Variants in ST3GAL1 observed in about 807,000 individuals in gnomAD.
ST3GAL1 encodes ST3 beta-galactoside alpha-2,3-sialyltransferase 1.
ST3GAL1 carries 16 observed loss-of-function variants against 34.1 expected under a neutral mutation model. The observed-to-expected ratio is 0.47, with a 90% CI of 0.32 to 0.71. The LOEUF is 0.71. Ranked by LOEUF, ST3GAL1 falls within the 30% of genes least tolerant of loss-of-function variation. ST3GAL1 has a pLI of 0.04. For missense variants in ST3GAL1, 353 were observed against 447.4 expected, an observed-to-expected ratio of 0.79 and a Z score of 1.90; for synonymous variants, 191 against 184.7, an observed-to-expected ratio of 1.03 and a Z score of -0.28.
chr8:133,509,653 G>C (rs528598950), intron 2 of ST3GAL1, among the ~76,000 whole-genome samples: 1 of 152,346 alleles, frequency 6.6e-6, no homozygotes, highest in Admixed American at 6.5e-5. Context: ...TATTCAGCCG[G>C]TGTGGGACAG....
chr8:133,478,344 A>G (rs1026414912), intron 3 of ST3GAL1, among the ~76,000 whole-genome samples: 3 of 152,144 alleles, frequency 2.0e-5, no homozygotes, highest in African/African-American at 7.2e-5. Flanking sequence ...TAGGGAGGGA[A>G]GAAACTTTCT....
chr8:133,547,754 G>A (rs1818710741), intron 1 of ST3GAL1, among the ~76,000 whole-genome samples: 1 of 152,334 alleles, frequency 6.6e-6, no homozygotes, highest in African/African-American at 2.4e-5. Flanking sequence ...AGAGAAAGCT[G>A]ACTGATACAA....
At chr8:133,569,513 G>A (rs1819503554) in intron 1 of ST3GAL1, among the ~76,000 whole-genome samples, 1 of 152,196 alleles carries the variant, frequency 6.6e-6, no homozygotes, top group South Asian at 2.1e-4. Flanking sequence ...ACGCCGAGAG[G>A]TTAAGTCTGG....
At chr8:133,494,193 C>A (rs114608174) in intron 3 of ST3GAL1, among the ~76,000 whole-genome samples, 126 of 152,282 alleles carry the variant, frequency 8.3e-4, no homozygotes, top group Middle Eastern at 3.4e-3. Context: ...CCACAATATG[C>A]CTGGGAAGCA....
At chr8:133,473,907 C>T (rs548159220) in intron 5 of ST3GAL1, among the ~76,000 whole-genome samples, 9 of 152,324 alleles carry the variant, frequency 5.9e-5, no homozygotes, top group Non-Finnish European at 1.2e-4. Context: ...CTTACCATGC[C>T]TGGCTCGCCA....
chr8:133,501,997 T>C (rs1323033470), intron 2 of ST3GAL1, among the ~76,000 whole-genome samples: 1 of 152,166 alleles, frequency 6.6e-6, no homozygotes, highest in Non-Finnish European at 1.5e-5. Context: ...AAACCCTGCG[T>C]GCCTTCTGTC....
In ST3GAL1 at chr8:133,477,682, A is replaced by G. The variant is rs190565564; in HGVS notation, c.-373-1082T>C. 8.8e-4 allele frequency among the ~76,000 whole-genome samples: 134 copies of G among 152,192 alleles called. 1 individual carries two copies. The highest frequency in any genetic ancestry group is 3.1e-3 in the African/African-American group (127 of 41,524). ...GCAAACAGGTACCTCTCAAATGCCC[A>G]TCGGAGACCCCTCTGGCTCTCACCG... On this transcript the variant is annotated intron_variant, in intron 3 of 9. Transcript: ENST00000522652.
intron 3 of ST3GAL1, among the ~76,000 whole-genome samples, chr8:133,498,354 T>C (rs1817033748): frequency 6.6e-6 from 1 of 152,002 alleles, no homozygotes; most frequent in Non-Finnish European, 1.5e-5. Flanking sequence ...TCCCAAGAGG[T>C]GGGGGTGTGG....
intron 5 of ST3GAL1, among the ~76,000 whole-genome samples, chr8:133,471,139 C>G (rs1301073488): frequency 6.6e-6 from 1 of 152,184 alleles, no homozygotes; most frequent in Non-Finnish European, 1.5e-5. Context: ...CACCGCAGGC[C>G]TCATTCCAAT....
intron 3 of ST3GAL1, among the ~76,000 whole-genome samples, chr8:133,485,204 C>T (rs1468167292): frequency 6.6e-6 from 1 of 152,184 alleles, no homozygotes; most frequent in Non-Finnish European, 1.5e-5. Context: ...CTACATTTCC[C>T]AGCATCCCTG....
chr8:133,464,898 T>A lies in ST3GAL1; in HGVS notation c.563A>T (p.His188Leu). 1 of 1,614,052 alleles carries A rather than the reference T, an allele frequency of 6.2e-7. No individual in the cohort carries two copies. The highest frequency in any genetic ancestry group is 2.2e-5 in the East Asian group (1 of 44,860). ...CCGGAAGCTCTCAGGGTACACCAGA[T>A]GGTGGGTGGTCTTGGTCCCAACATC... ...EADVGTKTTH[H>L]LVYPESFREL... is the part of the protein sequence containing the mutation. The change falls in exon 7 of 10, where the codon CAT (histidine) becomes CTT (leucine). Residue 188 changes from histidine to leucine, a missense_variant. Transcript: ENST00000522652.
intron 5 of ST3GAL1, among the ~76,000 whole-genome samples, chr8:133,471,541 GT>G (rs1284013770): frequency 3.9e-5 from 6 of 152,210 alleles, no homozygotes; most frequent in Non-Finnish European, 8.8e-5. Context: ...TATTTTACAG[GT>G]GAGGAAACTG....
chr8:133,565,265 G>A (rs558032693), intron 1 of ST3GAL1, among the ~76,000 whole-genome samples: 22 of 151,376 alleles, frequency 1.5e-4, no homozygotes, highest in African/African-American at 2.2e-4. Flanking sequence ...GGAGCTCCCT[G>A]CCTTTGGCTG....
intron 5 of ST3GAL1, among the ~76,000 whole-genome samples, chr8:133,474,591 C>G (rs1380777401): frequency 6.6e-6 from 1 of 152,186 alleles, no homozygotes; most frequent in Non-Finnish European, 1.5e-5. Flanking sequence ...CAGGCCTCGT[C>G]TCACTGCACC....
intron 9 of ST3GAL1, 82 bp from the exon 10 acceptor site, chr8:133,460,019 T>G (rs1311482208): frequency 1.4e-6 from 2 of 1,457,022 alleles, no homozygotes; most frequent in Admixed American, 2.2e-5. Context: ...TAGGCGTTCC[T>G]GGAATCCCAC....
intron 3 of ST3GAL1, among the ~76,000 whole-genome samples, chr8:133,483,761 C>T (rs1365104984): frequency 6.6e-6 from 1 of 152,134 alleles, no homozygotes; most frequent in African/African-American, 2.4e-5. Context: ...CCCAGGGGCT[C>T]CCAGACCCAG....
At chr8:133,564,305 C>T (rs1414955976) in intron 1 of ST3GAL1, among the ~76,000 whole-genome samples, 1 of 152,182 alleles carries the variant, frequency 6.6e-6, no homozygotes, top group Admixed American at 6.5e-5. Context: ...CTAGTGTTCT[C>T]TCTAAATGTA....
chr8:133,459,577 G>C lies in ST3GAL1; in HGVS notation c.*187C>G. On this transcript the variant is annotated 3_prime_UTR_variant, in exon 10 of 10. Coordinates refer to ENST00000522652, the MANE Select transcript of ST3GAL1 (RefSeq NM_173344.3). The surrounding 1 kb of genome is among the most constrained non-coding windows in gnomAD (Gnocchi z 4.7). ...CAGGTTCCAAGACATGCTCTGCCAC[G>C]CTGGCAGAGCTTAGTGACCTTGCTG... 1.7e-6 allele frequency: 1 copy of C among 576,214 alleles called. No homozygotes were observed. Among genetic ancestry groups the C allele is most frequent in the Non-Finnish European group, 2.8e-6 (1 of 357,730 alleles). The allele number at this position is 576,214 out of a possible 1,614,324, so 35.7% of individuals were successfully genotyped here.
chr8:133,499,543 T>C lies in ST3GAL1; in HGVS notation c.-428-354A>G, dbSNP rs888122420. 30 of 152,250 alleles carry C rather than the reference T, an allele frequency of 2.0e-4. 1 individual carries two copies. Among genetic ancestry groups the C allele is most frequent in the African/African-American group, 6.7e-4 (28 of 41,558 alleles). 9.4% of individuals were successfully genotyped at this position (152,250 alleles called of 1,614,324 possible). A position where few individuals can be genotyped will look rare whatever the true frequency, so the allele number is the denominator to read the frequency against. On this transcript the variant is annotated intron_variant, in intron 2 of 9. Coordinates refer to ENST00000522652, the MANE Select transcript of ST3GAL1 (RefSeq NM_173344.3). ...GCAAAACACCGAAATGGGGGAAGAA[T>C]GAGGCAAAGAGGGCCAGGACAAAGG... is the stretch of plus-strand genomic sequence containing the variant.
Sources: gnomAD v4.1 joint callset for allele counts (sites outside exome capture counted in the v4.1 genomes callset) on GRCh38, gnomAD v4.1.1 for gene constraint, Gnocchi (gnomAD v3.1) non-coding constraint, MANE v1.5 for transcripts, NCBI Gene and HGNC (gene_info 2026-07-23, HGNC 2026-07-21) for gene names.